The following DTL variants were observed in gnomAD, a reference collection of about 807,000 sequenced individuals.
The protein encoded by DTL is denticleless protein homolog.
DTL carries 46 observed loss-of-function variants against 87.0 expected under a neutral mutation model. The ratio of observed to expected loss-of-function variants is 0.53; its 90% CI spans 0.42 to 0.68. The LOEUF (loss-of-function observed/expected upper bound fraction) is 0.68, where lower values mean the gene tolerates loss of function less well. Among genes scored for constraint, DTL ranks in the 30% least tolerant of loss-of-function variants. DTL has a pLI of 0.00. For missense variants in DTL, 737 were observed against 869.4 expected (o/e 0.85, Z 1.91); for synonymous variants, 308 against 311.2 (o/e 0.99, Z 0.11).
At chr1:212,035,979 G>A in intron 1 of DTL, 37 bp downstream of exon 1, 1 of 1,607,398 alleles carries the variant, frequency 6.2e-7, no homozygotes, top group East Asian at 2.2e-5. Context: ...GGAGCTGGCG[G>A]AATTCATTTC....
At chr1:212,098,647 G>T (rs569776108) in intron 13 of DTL, among the ~76,000 whole-genome samples, 1 of 152,142 alleles carries the variant, frequency 6.6e-6, no homozygotes, top group East Asian at 1.9e-4. Flanking sequence ...GGGAGATTAT[G>T]GCTGCCTCTG....
At chr1:212,051,939 C>G in intron 5 of DTL, 1 of 996,558 alleles carries the variant, frequency 1.0e-6, no homozygotes, top group East Asian at 2.4e-5. Context: ...AGGAACAACT[C>G]CATGTTTTCT....
intron 9 of DTL, 27 bp from the exon 10 acceptor site, chr1:212,068,572 G>T (rs771520378): frequency 4.7e-5 from 67 of 1,419,722 alleles, no homozygotes; most frequent in Admixed American, 1.7e-5. Context: ...TCATCAGGAC[G>T]TGCTAACTTA....
Position 212,102,925 on chromosome 1 carries a change from C to G in DTL, c.2178C>G (p.His726Gln). ...KSQEDFCGPE[H>Q]STEL Reference sequence around the variant, plus strand: ...AGGAGGACTTCTGTGGTCCTGAACACTCAACAGAATTATAGATTCTAATCT... The same window carrying G: ...AGGAGGACTTCTGTGGTCCTGAACAGTCAACAGAATTATAGATTCTAATCT... Residue 726 changes from histidine to glutamine, a missense_variant, in exon 15 of 15, where the codon CAC becomes CAG. Transcript: ENST00000366991. 1 of 1,597,096 alleles carries G rather than the reference C, an allele frequency of 6.3e-7. No individual in the cohort carries two copies. The highest frequency in any genetic ancestry group is 8.6e-7 in the Non-Finnish European group (1 of 1,165,224).
At chr1:212,062,449 T>C (rs1654356686) in intron 5 of DTL, among the ~76,000 whole-genome samples, 1 of 152,210 alleles carries the variant, frequency 6.6e-6, no homozygotes, top group Non-Finnish European at 1.5e-5. Context: ...TCTGGATTCA[T>C]ACTGCCAGGA....
intron 13 of DTL, among the ~76,000 whole-genome samples, chr1:212,082,568 G>C (rs547316905): frequency 1.3e-5 from 2 of 152,304 alleles, no homozygotes; most frequent in East Asian, 3.9e-4. Flanking sequence ...CAGGAACATG[G>C]ATAGTTGACC....
At chr1:212,067,466 ACT>A (rs1571960098) in intron 8 of DTL, among the ~76,000 whole-genome samples, 1 of 151,854 alleles carries the variant, frequency 6.6e-6, no homozygotes, top group Non-Finnish European at 1.5e-5. Flanking sequence ...GCAAATGGAG[ACT>A]CTTTCTTTTT....
intron 5 of DTL, among the ~76,000 whole-genome samples, chr1:212,048,723 A>G (rs1330235106): frequency 1.3e-4 from 19 of 151,794 alleles, no homozygotes; most frequent in Non-Finnish European, 2.5e-4. Flanking sequence ...TAAATGGACC[A>G]ACAAACATTT....
intron 3 of DTL, among the ~76,000 whole-genome samples, chr1:212,046,466 A>G (rs78573699): frequency 0.026 from 3,998 of 152,074 alleles, 60 homozygotes; most frequent in African/African-American, 0.047. Context: ...AAGAGGCCCC[A>G]GTGTGTGTTG....
At position 212,035,762 on chromosome 1, in the gene DTL, G is replaced by C. The variant is rs562016206; in HGVS notation, c.-129G>C. The C allele has an allele frequency of 2.0e-5, 18 of 916,816 alleles. No homozygotes were observed. Among genetic ancestry groups the C allele is most frequent in the Non-Finnish European group, 2.6e-5 (15 of 581,968 alleles). 56.8% of individuals were successfully genotyped at this position (916,816 alleles called of 1,614,324 possible). A position where few individuals can be genotyped will look rare whatever the true frequency, so the allele number is the denominator to read the frequency against. ...CAGTTTGGCGCGGAGTTTGGCGGCC[G>C]GGGCTTACAGTGGCGGGAGTTGGAG... On this transcript the variant is annotated 5_prime_UTR_variant, in exon 1 of 15. Coordinates refer to ENST00000366991, the MANE Select transcript of DTL (RefSeq NM_016448.4).
intron 7 of DTL, among the ~76,000 whole-genome samples, chr1:212,065,449 A>T (rs1023258197): frequency 6.6e-6 from 1 of 152,110 alleles, no homozygotes; most frequent in African/African-American, 2.4e-5. Context: ...AATCAGGGTA[A>T]TTGAGATAGC....
intron 5 of DTL, among the ~76,000 whole-genome samples, chr1:212,058,049 A>G (rs1438966111): frequency 6.6e-6 from 1 of 152,180 alleles, no homozygotes; most frequent in African/African-American, 2.4e-5. Flanking sequence ...GTATATACCT[A>G]ACACTGGAGC....
In DTL at chr1:212,080,302, T is replaced by C. The variant is rs182720924; in HGVS notation, c.1126-313T>C. ...AGAAGAGTAAAAAGAGTGTCTTAAC[T>C]ACATATTTTGTATTTATACAGAAGA... On this transcript the variant is annotated intron_variant, in intron 12 of 14. Coordinates refer to ENST00000366991, the MANE Select transcript of DTL (RefSeq NM_016448.4). 369 of 186,692 alleles carry C rather than the reference T, an allele frequency of 2.0e-3. 2 individuals are homozygous for C. Among genetic ancestry groups the C allele is most frequent in the South Asian group, 0.017 (114 of 6,708 alleles). The allele number at this position is 186,692 out of a possible 1,614,324, so 11.6% of individuals were successfully genotyped here.
At chr1:212,055,108 A>C (rs1277745388) in intron 5 of DTL, among the ~76,000 whole-genome samples, 1 of 151,832 alleles carries the variant, frequency 6.6e-6, no homozygotes, top group Admixed American at 6.5e-5. Context: ...CTTCAAATAG[A>C]TCATCTAAGA....
chr1:212,095,371 T>C (rs1655415203), intron 13 of DTL, among the ~76,000 whole-genome samples: 1 of 152,224 alleles, frequency 6.6e-6, no homozygotes, highest in African/African-American at 2.4e-5. Flanking sequence ...CGTTTGTTTT[T>C]CTCTTAGAGT....
chr1:212,078,498 A>G (rs1654900559), intron 12 of DTL, among the ~76,000 whole-genome samples: 1 of 152,148 alleles, frequency 6.6e-6, no homozygotes, highest in Non-Finnish European at 1.5e-5. Context: ...CCCTACAGTT[A>G]TTTCTTTCCT....
rs759790328 is a variant in DTL at position 212,035,880 on chromosome 1, C to T, written c.-11C>T. 5 of 1,614,110 alleles carry T rather than the reference C, an allele frequency of 3.1e-6. No homozygotes were observed. The highest frequency in any genetic ancestry group is 1.6e-4 in the Middle Eastern group (1 of 6,062). On this transcript the variant is annotated 5_prime_UTR_variant, in exon 1 of 15. Transcript: ENST00000366991. The stretch of plus-strand genomic sequence containing the variant: ...ACTTTTCTCTCAGCTGAGGCTTTTC[C>T]TCCGACCCTGATGCTCTTCAATTCG...
At chr1:212,045,041 A>C (rs1456252962) in intron 3 of DTL, among the ~76,000 whole-genome samples, 1 of 152,210 alleles carries the variant, frequency 6.6e-6, no homozygotes, top group Non-Finnish European at 1.5e-5. Flanking sequence ...TGTACTACCA[A>C]GCTCTTTTTT....
chr1:212,086,586 C>T (rs1183013667), intron 13 of DTL, among the ~76,000 whole-genome samples: 4 of 115,480 alleles, frequency 3.5e-5, no homozygotes, highest in East Asian at 5.1e-4. Flanking sequence ...GATGGGGTTT[C>T]GCCATGTTGC....
Sources: allele counts gnomAD v4.1 joint callset (sites outside exome capture counted in the v4.1 genomes callset), GRCh38; gene constraint gnomAD v4.1.1; transcripts MANE v1.5; gene names NCBI Gene and HGNC (gene_info 2026-07-23, HGNC 2026-07-21).